Variants in TMEM132D observed in about 807,000 individuals in gnomAD.
TMEM132D encodes transmembrane protein 132D.
A neutral mutation model predicts 62.3 loss-of-function variants in TMEM132D; 21 were observed. That is an observed-to-expected ratio of 0.34 (90% CI 0.24 to 0.49). The LOEUF (loss-of-function observed/expected upper bound fraction) is 0.49, where lower values mean the gene tolerates loss of function less well. Ranked by LOEUF, TMEM132D falls within the 20% of genes least tolerant of loss-of-function variation. TMEM132D has a pLI of 0.99. For missense variants in TMEM132D, 1,346 were observed against 1,402.8 expected, an observed-to-expected ratio of 0.96 and a Z score of 0.65; for synonymous variants, 621 against 575.6, an observed-to-expected ratio of 1.08 and a Z score of -1.13.
chr12:129,544,254 T>C (rs1198619214), intron 2 of TMEM132D, among the ~76,000 whole-genome samples: 1 of 152,230 alleles, frequency 6.6e-6, no homozygotes, highest in African/African-American at 2.4e-5. Context: ...AAATCCTTTG[T>C]CCATTTCCCT....
chr12:129,086,215 T>C (rs1200691818), intron 5 of TMEM132D, among the ~76,000 whole-genome samples: 6 of 152,034 alleles, frequency 3.9e-5, no homozygotes, highest in African/African-American at 1.4e-4. Context: ...TGTGTGTGTG[T>C]GTGTGTGTGT....
intron 2 of TMEM132D, among the ~76,000 whole-genome samples, chr12:129,576,879 A>G (rs1187462531): frequency 6.6e-6 from 1 of 151,890 alleles, no homozygotes; most frequent in South Asian, 2.1e-4. Context: ...GAGAAAACAC[A>G]TTTCCAGCAC....
intron 3 of TMEM132D, among the ~76,000 whole-genome samples, chr12:129,457,515 A>C (rs988093587): frequency 6.6e-6 from 1 of 151,312 alleles, no homozygotes; most frequent in Admixed American, 6.6e-5. Context: ...TGGGTGCAGC[A>C]CACCAACATG....
At chr12:129,654,297 A>AGT (rs10607475) in intron 2 of TMEM132D, among the ~76,000 whole-genome samples, 61,483 of 148,218 alleles carry the variant, frequency 0.41, 12,703 homozygotes, top group East Asian at 0.63. Flanking sequence ...TGTGTGTGTG[A>AGT]GTGTGTGTGT....
intron 3 of TMEM132D, among the ~76,000 whole-genome samples, chr12:129,357,265 GA>G (rs1265890127): frequency 1.4e-5 from 2 of 145,876 alleles, no homozygotes; most frequent in Non-Finnish European, 3.0e-5. Flanking sequence ...AAAAAGAAAA[GA>G]AAGAAGGGAG....
intron 1 of TMEM132D, among the ~76,000 whole-genome samples, chr12:129,817,264 T>C (rs1872373120): frequency 6.6e-6 from 1 of 152,192 alleles, no homozygotes; most frequent in Admixed American, 6.5e-5. Context: ...CAGTGGGCTT[T>C]TCCGTAGCTG....
chr12:129,149,600 A>C (rs1877015640), intron 5 of TMEM132D, among the ~76,000 whole-genome samples: 1 of 152,122 alleles, frequency 6.6e-6, no homozygotes, highest in South Asian at 2.1e-4. Flanking sequence ...GGCACTGGGG[A>C]CCGTGTAGAT....
chr12:129,900,477 C>A (rs926073375), intron 1 of TMEM132D, among the ~76,000 whole-genome samples: 1 of 152,190 alleles, frequency 6.6e-6, no homozygotes, highest in Non-Finnish European at 1.5e-5. Context: ...ACGACACTGC[C>A]GCAGCCCCGC....
At chr12:129,279,474 T>A (rs1347320361) in intron 4 of TMEM132D, among the ~76,000 whole-genome samples, 1 of 152,108 alleles carries the variant, frequency 6.6e-6, no homozygotes, top group African/African-American at 2.4e-5. Flanking sequence ...ACATTTTACA[T>A]CCTTTGAAAA....
intron 4 of TMEM132D, among the ~76,000 whole-genome samples, chr12:129,314,588 G>C (rs1405114736): frequency 6.6e-6 from 1 of 152,150 alleles, no homozygotes; most frequent in Non-Finnish European, 1.5e-5. Flanking sequence ...GCTTAGTCTT[G>C]CTTTGGCTAT....
chr12:129,259,205 A>T (rs1199181582), intron 4 of TMEM132D, among the ~76,000 whole-genome samples: 7 of 152,144 alleles, frequency 4.6e-5, no homozygotes, highest in Non-Finnish European at 1.0e-4. Flanking sequence ...GTGTGCCCTT[A>T]ACAGCCAACA....
At chr12:129,093,763 C>A (rs1875008589) in intron 5 of TMEM132D, among the ~76,000 whole-genome samples, 3 of 152,184 alleles carry the variant, frequency 2.0e-5, no homozygotes, top group African/African-American at 4.8e-5. Flanking sequence ...CTGGAGGCAT[C>A]ACACTACCTG....
intron 3 of TMEM132D, among the ~76,000 whole-genome samples, chr12:129,458,398 G>GTTTTTTT (rs66630267): frequency 2.0e-5 from 3 of 146,582 alleles, no homozygotes; most frequent in Non-Finnish European, 3.0e-5. Flanking sequence ...GTGGGCAGAG[G>GTTTTTTT]TTTTTTTTTT....
intron 2 of TMEM132D, among the ~76,000 whole-genome samples, chr12:129,680,271 T>G (rs551409403): frequency 1.7e-3 from 254 of 152,352 alleles, no homozygotes; most frequent in Non-Finnish European, 2.7e-3. Flanking sequence ...CTGCTTTTGA[T>G]AGAGAAATAC....
chr12:129,331,208 A>G (rs894753324), intron 4 of TMEM132D, among the ~76,000 whole-genome samples: 1 of 152,182 alleles, frequency 6.6e-6, no homozygotes, highest in Non-Finnish European at 1.5e-5. Context: ...GTGATATTGA[A>G]TTGCACTTCC....
At chr12:129,550,078 G>C (rs1876852158) in intron 2 of TMEM132D, among the ~76,000 whole-genome samples, 1 of 152,154 alleles carries the variant, frequency 6.6e-6, no homozygotes, top group South Asian at 2.1e-4. Flanking sequence ...TGTTTACCCA[G>C]CTCTGATTAT....
intron 5 of TMEM132D, among the ~76,000 whole-genome samples, chr12:129,193,862 G>A (rs1878477399): frequency 6.6e-6 from 1 of 152,326 alleles, no homozygotes; most frequent in Admixed American, 6.5e-5. Context: ...ACTACAATGT[G>A]TGCTAAGTGT....
chr12:129,710,213 G>A (rs1409428867), intron 1 of TMEM132D, among the ~76,000 whole-genome samples: 1 of 152,120 alleles, frequency 6.6e-6, no homozygotes, highest in Non-Finnish European at 1.5e-5. Context: ...GGGATTTGGG[G>A]TGTTAATTTT....
intron 1 of TMEM132D, among the ~76,000 whole-genome samples, chr12:129,765,750 T>C (rs897308485): frequency 1.3e-5 from 2 of 152,230 alleles, no homozygotes; most frequent in Admixed American, 1.3e-4. Flanking sequence ...TCTTTTGTCC[T>C]GGTTATAACA....
Sources: gnomAD v4.1 joint callset for allele counts (sites outside exome capture counted in the v4.1 genomes callset) on GRCh38, gnomAD v4.1.1 for gene constraint, MANE v1.5 for transcripts, NCBI Gene and HGNC (gene_info 2026-07-23, HGNC 2026-07-21) for gene names.